Variants in VPS13B observed in about 807,000 individuals in gnomAD.
VPS13B encodes the protein intermembrane lipid transfer protein VPS13B.
VPS13B carries 285 observed loss-of-function variants against 426.4 expected under a neutral mutation model. The ratio of observed to expected loss-of-function variants is 0.67; its 90% CI spans 0.61 to 0.74. The LOEUF is 0.74. Ranked by LOEUF, VPS13B falls within the 30% of genes least tolerant of loss-of-function variation. The pLI, the probability that VPS13B is intolerant of heterozygous loss-of-function variation, is 0.00. For synonymous variants in VPS13B, 1,676 were observed against 1,676.4 expected (o/e 1.00, Z 0.01); for missense variants, 4,537 against 4,782.6 (o/e 0.95, Z 1.51).
At chr8:99,083,357 G>GA (rs1845591613) in intron 3 of VPS13B, among the ~76,000 whole-genome samples, 1 of 152,102 alleles carries the variant, frequency 6.6e-6, no homozygotes, top group South Asian at 2.1e-4. Flanking sequence ...GAGATTTTGG[G>GA]TGAGACGATG....
intron 3 of VPS13B, among the ~76,000 whole-genome samples, chr8:99,081,330 C>T (rs934874933): frequency 6.6e-6 from 1 of 152,096 alleles, no homozygotes; most frequent in African/African-American, 2.4e-5. Context: ...GCTAGTATTT[C>T]TTGTCCTCCC....
At chr8:99,516,000 GT>G (rs1337906686) in intron 29 of VPS13B, among the ~76,000 whole-genome samples, 4 of 152,022 alleles carry the variant, frequency 2.6e-5, no homozygotes, top group African/African-American at 9.7e-5. Flanking sequence ...CTCTGTATCT[GT>G]GCATGTATCT....
intron 33 of VPS13B, among the ~76,000 whole-genome samples, chr8:99,605,881 TTTTG>T (rs1827543801): frequency 6.6e-6 from 1 of 152,132 alleles, no homozygotes; most frequent in African/African-American, 2.4e-5. Context: ...CTGAAACTTT[TTTTG>T]TTTGTTTGCT....
At chr8:99,030,347 G>GTTC (rs1842453628) in intron 2 of VPS13B, among the ~76,000 whole-genome samples, 1 of 151,066 alleles carries the variant, frequency 6.6e-6, no homozygotes, top group Admixed American at 6.6e-5. Context: ...GAGTTTGCTT[G>GTTC]TTCTCCCCAT....
At chr8:99,498,982 G>A (rs10086392) in intron 25 of VPS13B, among the ~76,000 whole-genome samples, 9,038 of 152,060 alleles carry the variant, frequency 0.059, 485 homozygotes, top group African/African-American at 0.15. Context: ...GTAGCAATGG[G>A]GCCAAAACTA....
At chr8:99,788,347 C>A (rs1812372261) in intron 43 of VPS13B, among the ~76,000 whole-genome samples, 1 of 128,358 alleles carries the variant, frequency 7.8e-6, no homozygotes, top group Non-Finnish European at 1.6e-5. Context: ...CCCAGGAGTT[C>A]AAGACCAGCC....
chr8:99,321,210 C>CTTT (rs58817658), intron 19 of VPS13B, among the ~76,000 whole-genome samples: 1 of 93,990 alleles, frequency 1.1e-5, no homozygotes, highest in Non-Finnish European at 2.2e-5. Flanking sequence ...TTTTCTTTTT[C>CTTT]TTTTTTTTTT....
At chr8:99,471,898 G>T (rs1429845181) in intron 24 of VPS13B, among the ~76,000 whole-genome samples, 1 of 152,030 alleles carries the variant, frequency 6.6e-6, no homozygotes, top group African/African-American at 2.4e-5. Context: ...CAAGTAAAAG[G>T]CAAAGATCTA....
At chr8:99,783,466 A>G (rs1291629073) in intron 42 of VPS13B, among the ~76,000 whole-genome samples, 1 of 152,216 alleles carries the variant, frequency 6.6e-6, no homozygotes, top group Non-Finnish European at 1.5e-5. Flanking sequence ...TTTAAGCCAT[A>G]GCCTAACCAG....
intron 61 of VPS13B, 179 bp from the exon 62 acceptor site, chr8:99,875,239 A>G (rs1817641880): frequency 2.3e-6 from 2 of 860,650 alleles, no homozygotes; most frequent in Admixed American, 2.0e-5. Flanking sequence ...TTATACTGCT[A>G]AAACTGCATT....
chr8:99,163,827 C>T (rs1348827916), intron 15 of VPS13B, among the ~76,000 whole-genome samples: 1 of 152,200 alleles, frequency 6.6e-6, no homozygotes, highest in African/African-American at 2.4e-5. Flanking sequence ...CAGCCTTGGC[C>T]AGCCCAGAAA....
At chr8:99,541,256 T>C (rs1823599821) in intron 30 of VPS13B, among the ~76,000 whole-genome samples, 1 of 152,208 alleles carries the variant, frequency 6.6e-6, no homozygotes. Flanking sequence ...ATTTTCTGAC[T>C]AAAGTCAACC....
rs531403872 is a variant in VPS13B at position 99,586,954 on chromosome 8, A to T, written c.5220+9321A>T. ...TAACTCGTCATTTACGTTAGGTATT[A>T]CTCCTAATGCTATCCCTCCCCCATC... is the stretch of plus-strand genomic sequence containing the variant. On this transcript the variant is annotated intron_variant, in intron 33 of 61. Transcript: ENST00000357162. Among the ~76,000 whole-genome samples, 5 of 151,908 alleles carry T rather than the reference A, an allele frequency of 3.3e-5. No individual in the cohort carries two copies. In the South Asian group the frequency reaches 1.0e-3, roughly 32 times the overall value.
At position 99,099,979 on chromosome 8, in the gene VPS13B, G is replaced by A. The variant is rs1846639723; in HGVS notation, c.413-2974G>A. Among the ~76,000 whole-genome samples, 7 of 152,262 alleles carry A rather than the reference G, an allele frequency of 4.6e-5. No homozygotes were observed. In the South Asian group the frequency reaches 1.2e-3, roughly 27 times the overall value. Reference sequence around the variant, plus strand: ...CTTTCTATTTTCAGATGCGTGTGGAGTAGACCCGGATGATGAACAAATATA... The same window carrying A: ...CTTTCTATTTTCAGATGCGTGTGGAATAGACCCGGATGATGAACAAATATA... On this transcript the variant is annotated intron_variant, in intron 4 of 61. Transcript: ENST00000357162.
intron 39 of VPS13B, among the ~76,000 whole-genome samples, chr8:99,730,953 A>G (rs540484164): frequency 9.2e-5 from 14 of 152,304 alleles, no homozygotes; most frequent in Non-Finnish European, 1.3e-4. Flanking sequence ...ACAAGGCTTC[A>G]TGGAGGAGAT....
chr8:99,304,722 T>C (rs1820548852), intron 19 of VPS13B, among the ~76,000 whole-genome samples: 3 of 152,198 alleles, frequency 2.0e-5, no homozygotes, highest in Non-Finnish European at 4.4e-5. Flanking sequence ...AGTCAATCCA[T>C]TCATAATCCT....
chr8:99,217,923 T>C (rs1815476641), intron 17 of VPS13B, among the ~76,000 whole-genome samples: 1 of 152,222 alleles, frequency 6.6e-6, no homozygotes, highest in Non-Finnish European at 1.5e-5. Context: ...GCCCTTTGCA[T>C]AAAACATTTG....
chr8:99,184,914 C>T (rs1398883804), intron 16 of VPS13B, among the ~76,000 whole-genome samples: 1 of 152,170 alleles, frequency 6.6e-6, no homozygotes, highest in Non-Finnish European at 1.5e-5. Context: ...TCTCTTGAAC[C>T]TGGAGGCGGA....
intron 7 of VPS13B, among the ~76,000 whole-genome samples, chr8:99,117,891 C>G (rs919843455): frequency 2.0e-5 from 3 of 151,756 alleles, no homozygotes; most frequent in African/African-American, 7.3e-5. Flanking sequence ...TAAAAAAATC[C>G]CACTGAATTG....
Sources: gnomAD v4.1 joint callset for allele counts (sites outside exome capture counted in the v4.1 genomes callset) on GRCh38, gnomAD v4.1.1 for gene constraint, MANE v1.5 for transcripts, NCBI Gene and HGNC (gene_info 2026-07-23, HGNC 2026-07-21) for gene names.